GALNTL6: variants seen among roughly 807,000 people sequenced by gnomAD.
The protein encoded by GALNTL6 is polypeptide N-acetylgalactosaminyltransferase-like 6.
GALNTL6 carries 46 observed loss-of-function variants against 73.7 expected under a neutral mutation model. That is an observed-to-expected ratio of 0.62 (90% CI 0.49 to 0.80). GALNTL6 has a LOEUF of 0.80. Ranked by LOEUF, GALNTL6 falls within the 30% of genes least tolerant of loss-of-function variation. GALNTL6 has a pLI of 0.00. For synonymous variants in GALNTL6, 259 were observed against 263.7 expected, an observed-to-expected ratio of 0.98 and a Z score of 0.17; for missense variants, 604 against 755.0, an observed-to-expected ratio of 0.80 and a Z score of 2.34.
At chr4:172,914,080 T>G (rs944395935) in intron 8 of GALNTL6, among the ~76,000 whole-genome samples, 27 of 151,768 alleles carry the variant, frequency 1.8e-4, no homozygotes, top group East Asian at 3.9e-4. Flanking sequence ...GTTGGGGGGG[T>G]GGTGGCCAAT....
At chr4:172,209,290 G>A (rs1736247819) in intron 2 of GALNTL6, among the ~76,000 whole-genome samples, 1 of 151,994 alleles carries the variant, frequency 6.6e-6, no homozygotes, top group Non-Finnish European at 1.5e-5. Context: ...CAAGCTCAGT[G>A]TATATAGGTG....
At chr4:172,606,667 ATATATATAC>A (rs1227766959) in intron 5 of GALNTL6, among the ~76,000 whole-genome samples, 1 of 44,896 alleles carries the variant, frequency 2.2e-5, no homozygotes, top group African/African-American at 4.6e-5. Flanking sequence ...TATATACTAT[ATATATATAC>A]TATATATATA....
chr4:172,542,764 C>G (rs1324299593), intron 5 of GALNTL6, among the ~76,000 whole-genome samples: 1 of 152,052 alleles, frequency 6.6e-6, no homozygotes, highest in East Asian at 1.9e-4. Context: ...AGTTACATTC[C>G]CAACCCAGAA....
intron 2 of GALNTL6, among the ~76,000 whole-genome samples, chr4:172,214,343 T>C (rs1276802317): frequency 6.6e-6 from 1 of 152,132 alleles, no homozygotes; most frequent in South Asian, 2.1e-4. Flanking sequence ...CTTGTCAGGA[T>C]TTTAGGTAGG....
rs75690094 is a variant in GALNTL6, at chr4:172,155,917, C to G, written c.139-73739C>G. ...TTTTAAATGAAATAGCAAGCCCCAA[C>G]CAGACATGTGATCATATAAGTTTAC... On this transcript the variant is annotated intron_variant, in intron 2 of 12. Transcript: ENST00000506823. 7.2e-4 allele frequency among the ~76,000 whole-genome samples: 110 copies of G among 152,162 alleles called. No homozygotes were observed. The East Asian group carries it at 0.018, about 25-fold the overall frequency.
intron 12 of GALNTL6, among the ~76,000 whole-genome samples, chr4:173,024,484 G>A (rs1172315031): frequency 1.3e-5 from 2 of 152,178 alleles, no homozygotes; most frequent in Non-Finnish European, 2.9e-5. Flanking sequence ...CTATGCCTAA[G>A]GCATAAAGAG....
chr4:171,952,932 T>C (rs781418685), intron 2 of GALNTL6, among the ~76,000 whole-genome samples: 4 of 152,114 alleles, frequency 2.6e-5, no homozygotes, highest in Non-Finnish European at 4.4e-5. Context: ...AAAAATTAAA[T>C]GCTAGAATTA....
At chr4:171,974,437 C>CGTTG (rs1739659570) in intron 2 of GALNTL6, among the ~76,000 whole-genome samples, 1 of 152,172 alleles carries the variant, frequency 6.6e-6, no homozygotes, top group Non-Finnish European at 1.5e-5. Context: ...ATTACCACAA[C>CGTTG]TGGTCCCTTG....
chr4:172,400,027 T>C (rs1169615100), intron 5 of GALNTL6, among the ~76,000 whole-genome samples: 2 of 152,128 alleles, frequency 1.3e-5, no homozygotes, highest in African/African-American at 2.4e-5. Context: ...TTTCCTCAAA[T>C]TTATAACAGC....
At chr4:172,380,066 T>C (rs1210919744) in intron 5 of GALNTL6, 1 of 961,958 alleles carries the variant, frequency 1.0e-6, no homozygotes, top group East Asian at 2.4e-5. Flanking sequence ...GTCCCTGCTC[T>C]AGCTGTTTAT....
chr4:173,037,652 A>G (rs561135873), intron 12 of GALNTL6, among the ~76,000 whole-genome samples: 1 of 152,354 alleles, frequency 6.6e-6, no homozygotes, highest in South Asian at 2.1e-4. Context: ...AAAAGAGAAT[A>G]GAAACATGTC....
intron 9 of GALNTL6, among the ~76,000 whole-genome samples, chr4:172,943,095 CTT>C (rs201726639): frequency 1.1e-3 from 161 of 141,934 alleles, no homozygotes; most frequent in Non-Finnish European, 1.2e-3. Flanking sequence ...TCCTATTATC[CTT>C]TTTTTTTTTT....
chr4:172,543,422 C>G (rs1735645992), intron 5 of GALNTL6, among the ~76,000 whole-genome samples: 1 of 152,144 alleles, frequency 6.6e-6, no homozygotes. Context: ...TTTTAGGCTC[C>G]TGTGCGCCCA....
chr4:172,983,225 C>T (rs1381751083), intron 10 of GALNTL6, among the ~76,000 whole-genome samples: 1 of 152,150 alleles, frequency 6.6e-6, no homozygotes, highest in Admixed American at 6.5e-5. Context: ...TGGCAGCCAC[C>T]AGAGGCAAAG....
chr4:172,097,183 T>C (rs183137775), intron 2 of GALNTL6, among the ~76,000 whole-genome samples: 1 of 152,290 alleles, frequency 6.6e-6, no homozygotes. Context: ...TATTCTTTGT[T>C]TTGTAATCTC....
At chr4:172,523,304 G>T (rs1734846785) in intron 5 of GALNTL6, among the ~76,000 whole-genome samples, 1 of 152,060 alleles carries the variant, frequency 6.6e-6, no homozygotes, top group African/African-American at 2.4e-5. Flanking sequence ...CTTTCCCCAG[G>T]CTCCCCAAAG....
At chr4:172,452,323 A>C (rs769220151) in intron 5 of GALNTL6, among the ~76,000 whole-genome samples, 1 of 151,764 alleles carries the variant, frequency 6.6e-6, no homozygotes, top group Non-Finnish European at 1.5e-5. Context: ...TATATATATA[A>C]AAATAAATAA....
intron 2 of GALNTL6, among the ~76,000 whole-genome samples, chr4:171,977,015 A>G (rs1039897032): frequency 3.9e-5 from 6 of 152,154 alleles, no homozygotes; most frequent in Non-Finnish European, 7.4e-5. Context: ...GAAACTAAGG[A>G]AACAGGTGAA....
intron 10 of GALNTL6, among the ~76,000 whole-genome samples, chr4:172,979,000 CTG>C (rs996368925): frequency 6.6e-6 from 1 of 152,232 alleles, no homozygotes; most frequent in Admixed American, 6.5e-5. Context: ...TGAGGATTAA[CTG>C]TAAATAATTC....
Sources: allele counts gnomAD v4.1 joint callset (sites outside exome capture counted in the v4.1 genomes callset), GRCh38; gene constraint gnomAD v4.1.1; transcripts MANE v1.5; gene names NCBI Gene and HGNC (gene_info 2026-07-23, HGNC 2026-07-21).